EPB41L2: variants seen among roughly 807,000 people sequenced by gnomAD.
The protein encoded by EPB41L2 is band 4.1-like protein 2.
Under a neutral mutation model 113.0 loss-of-function variants are expected in EPB41L2, and 43 were observed. The ratio of observed to expected loss-of-function variants is 0.38; its 90% CI spans 0.30 to 0.49. The LOEUF is 0.49. EPB41L2 is among the 20% of genes least tolerant of loss of function. EPB41L2 has a pLI of 0.95. For missense variants in EPB41L2, 1,147 were observed against 1,223.4 expected (o/e 0.94, Z 0.93); for synonymous variants, 442 against 436.7 (o/e 1.01, Z -0.15).
Position 130,885,859 on chromosome 6 carries a change from C to T in EPB41L2, c.1661-591G>A, listed in dbSNP as rs560995448. ...TTAATCCCCTTCCTCAATGCCTTAACACGAACTATGGTAAATCTATACATA... is the reference window on the plus strand; with the variant it reads ...TTAATCCCCTTCCTCAATGCCTTAATACGAACTATGGTAAATCTATACATA... On this transcript the variant is annotated intron_variant, in intron 11 of 19. Transcript: ENST00000337057. 2.0e-5 allele frequency among the ~76,000 whole-genome samples: 3 copies of T among 152,242 alleles called. No individual in the cohort carries two copies. The South Asian group carries it at 6.2e-4, about 32-fold the overall frequency.
chr6:131,062,514 G>C (rs983358306), intron 1 of EPB41L2: 3 of 151,714 alleles, frequency 2.0e-5, no homozygotes, highest in East Asian at 1.9e-4. Flanking sequence ...GCTCCCAGAC[G>C]GCGCAGGCGG....
At chr6:130,841,494 C>G (rs760252923) in intron 19 of EPB41L2, among the ~76,000 whole-genome samples, 1 of 152,106 alleles carries the variant, frequency 6.6e-6, no homozygotes. Flanking sequence ...CTGAAGCCGG[C>G]AAGGAGTAGA....
chr6:130,885,475 G>A (rs983201846), intron 11 of EPB41L2, among the ~76,000 whole-genome samples: 5 of 152,076 alleles, frequency 3.3e-5, no homozygotes, highest in Admixed American at 3.3e-4. Flanking sequence ...GAATTTTAAT[G>A]CACTGAGCTA....
chr6:130,908,695 T>G lies in EPB41L2; in HGVS notation c.853+126A>C, dbSNP rs957017911. 3 of 606,066 alleles carry G rather than the reference T, an allele frequency of 4.9e-6. No individual in the cohort carries two copies. In the East Asian group the frequency reaches 9.0e-5, roughly 18 times the overall value. The allele number at this position is 606,066 out of a possible 1,614,324, so 37.5% of individuals were successfully genotyped here. On this transcript the variant is annotated intron_variant, in intron 5 of 19. Coordinates refer to ENST00000337057, the MANE Select transcript of EPB41L2 (RefSeq NM_001431.4). The stretch of plus-strand genomic sequence containing the variant: ...AGTCACAATTCCACAAAAATATTAT[T>G]AGTATTATTAACTTCTAAGATGGCA...
At chr6:130,966,229 AG>A (rs1346073853) in intron 1 of EPB41L2, among the ~76,000 whole-genome samples, 1 of 152,198 alleles carries the variant, frequency 6.6e-6, no homozygotes, top group Non-Finnish European at 1.5e-5. Flanking sequence ...ACACTGTAAA[AG>A]CTCAGGATCC....
At chr6:130,930,097 A>G (rs1399863730) in intron 3 of EPB41L2, among the ~76,000 whole-genome samples, 2 of 152,114 alleles carry the variant, frequency 1.3e-5, no homozygotes, top group East Asian at 3.9e-4. Context: ...CTTGTTGCAT[A>G]TGATTACTGA....
intron 18 of EPB41L2, among the ~76,000 whole-genome samples, chr6:130,858,974 C>G (rs755453953): frequency 7.2e-5 from 11 of 152,172 alleles, no homozygotes; most frequent in Non-Finnish European, 1.6e-4. Context: ...GGCCATCCAG[C>G]CTGTGAGCAG....
At chr6:131,044,480 G>A (rs1025694086) in intron 1 of EPB41L2, among the ~76,000 whole-genome samples, 2 of 152,076 alleles carry the variant, frequency 1.3e-5, no homozygotes, top group African/African-American at 2.4e-5. Context: ...AAGTAGAATC[G>A]TGGTAAACAA....
chr6:130,972,385 T>C (rs1777053631), intron 1 of EPB41L2, among the ~76,000 whole-genome samples: 1 of 148,798 alleles, frequency 6.7e-6, no homozygotes, highest in South Asian at 2.1e-4. Flanking sequence ...TACATCCACC[T>C]ATCATATGAC....
At chr6:130,940,715 C>T (rs144545950) in intron 3 of EPB41L2, among the ~76,000 whole-genome samples, 2 of 152,132 alleles carry the variant, frequency 1.3e-5, no homozygotes, top group South Asian at 2.1e-4. Flanking sequence ...GTGATCTGCC[C>T]GCCTCGGCCT....
chr6:131,000,394 G>A (rs1423546415), intron 1 of EPB41L2, among the ~76,000 whole-genome samples: 2 of 151,990 alleles, frequency 1.3e-5, no homozygotes, highest in South Asian at 2.1e-4. Context: ...AATATAATTT[G>A]TAATGGTTAC....
intron 1 of EPB41L2, among the ~76,000 whole-genome samples, chr6:131,022,818 T>C (rs1017322930): frequency 2.6e-5 from 4 of 152,192 alleles, no homozygotes; most frequent in African/African-American, 9.6e-5. Context: ...AAAATATTTT[T>C]TAAATGGAAT....
chr6:131,007,080 T>C (rs1217045016), intron 1 of EPB41L2, among the ~76,000 whole-genome samples: 1 of 152,218 alleles, frequency 6.6e-6, no homozygotes, highest in Non-Finnish European at 1.5e-5. Flanking sequence ...CACAGTAACT[T>C]TTCTCAATTT....
At chr6:130,875,333 T>C (rs1284378490) in intron 14 of EPB41L2, among the ~76,000 whole-genome samples, 1 of 152,220 alleles carries the variant, frequency 6.6e-6, no homozygotes, top group African/African-American at 2.4e-5. Flanking sequence ...ATTCTGCCAC[T>C]ACTCACCTTC....
intron 3 of EPB41L2, 110 bp from the exon 4 acceptor site, chr6:130,926,819 TTTG>T (rs1804905909): frequency 2.9e-6 from 2 of 683,986 alleles, no homozygotes; most frequent in East Asian, 3.0e-5. Flanking sequence ...ACATTAAATA[TTTG>T]TTTTCTCATT....
intron 1 of EPB41L2, among the ~76,000 whole-genome samples, chr6:131,029,404 A>T (rs1306997370): frequency 1.3e-5 from 2 of 151,370 alleles, no homozygotes; most frequent in African/African-American, 4.8e-5. Flanking sequence ...AAAAAAAAAA[A>T]AAAAAAAAAA....
intron 1 of EPB41L2, chr6:131,015,742 G>A (rs1788042183): frequency 1.3e-5 from 2 of 152,112 alleles, no homozygotes; most frequent in South Asian, 4.1e-4. Context: ...AATATTTATT[G>A]TACAGTTACT....
intron 16 of EPB41L2, 60 bp from the exon 17 acceptor site, chr6:130,865,694 A>G: frequency 6.5e-7 from 1 of 1,541,806 alleles, no homozygotes; most frequent in Non-Finnish European, 9.0e-7. Flanking sequence ...GTTGTCAGAG[A>G]AGATCCCCGC....
intron 19 of EPB41L2, among the ~76,000 whole-genome samples, chr6:130,853,975 T>A (rs1364019458): frequency 6.6e-6 from 1 of 152,216 alleles, no homozygotes; most frequent in Non-Finnish European, 1.5e-5. Flanking sequence ...GGAAATTTTT[T>A]AAGAGTGAGC....
Sources: gnomAD v4.1 joint callset for allele counts (sites outside exome capture counted in the v4.1 genomes callset) on GRCh38, gnomAD v4.1.1 for gene constraint, MANE v1.5 for transcripts, NCBI Gene and HGNC (gene_info 2026-07-23, HGNC 2026-07-21) for gene names.